Variants in GSG1L observed in about 807,000 individuals in gnomAD.
GSG1L encodes germ cell-specific gene 1-like protein.
Under a neutral mutation model 42.1 loss-of-function variants are expected in GSG1L, and 24 were observed. The observed-to-expected ratio is 0.57, with a 90% CI of 0.41 to 0.80. The LOEUF (loss-of-function observed/expected upper bound fraction) is 0.80. Ranked by LOEUF, GSG1L falls within the 30% of genes least tolerant of loss-of-function variation. The probability of loss-of-function intolerance (pLI) is 0.00; values close to 1 mark genes in which losing one functional copy is unlikely to be tolerated. For missense variants in GSG1L, 445 were observed against 472.2 expected, an observed-to-expected ratio of 0.94 and a Z score of 0.53; for synonymous variants, 215 against 203.5, an observed-to-expected ratio of 1.06 and a Z score of -0.48.
intron 3 of GSG1L, among the ~76,000 whole-genome samples, chr16:27,855,441 C>T (rs768321300): frequency 5.9e-5 from 9 of 152,070 alleles, no homozygotes; most frequent in East Asian, 1.9e-4. Flanking sequence ...CCAACGGGGC[C>T]GGAAGCAGTG....
chr16:27,993,104 G>A (rs904143711), intron 1 of GSG1L, among the ~76,000 whole-genome samples: 12 of 152,176 alleles, frequency 7.9e-5, no homozygotes, highest in African/African-American at 2.9e-4. Flanking sequence ...TAGTACCTGA[G>A]TCAGGATTCC....
At chr16:27,831,562 A>G (rs1417722962) in intron 4 of GSG1L, among the ~76,000 whole-genome samples, 1 of 152,190 alleles carries the variant, frequency 6.6e-6, no homozygotes, top group East Asian at 1.9e-4. Flanking sequence ...TAAAGGCCTG[A>G]GCAAAGAAAA....
In GSG1L at chr16:27,791,245, C is replaced by T. The variant is rs2082747818; in HGVS notation, c.*125G>A. 3 of 546,794 alleles carry T rather than the reference C, an allele frequency of 5.5e-6. No individual in the cohort carries two copies. The highest frequency in any genetic ancestry group is 8.9e-6 in the Non-Finnish European group (3 of 336,406). The allele number at this position is 546,794 out of a possible 1,614,324, so 33.9% of individuals were successfully genotyped here. On this transcript the variant is annotated 3_prime_UTR_variant, in exon 7 of 7. Transcript: ENST00000447459. Reference sequence around the variant, plus strand: ...GATGGGCAGGACAGGCCTGGCATCTCCCACGCAGGCTGACTGAGTTCACGG... The same window carrying T: ...GATGGGCAGGACAGGCCTGGCATCTTCCACGCAGGCTGACTGAGTTCACGG...
chr16:27,980,912 AAAAAAGAAAGAAAG>A (rs2085319083), intron 1 of GSG1L, among the ~76,000 whole-genome samples: 1 of 151,532 alleles, frequency 6.6e-6, no homozygotes, highest in Non-Finnish European at 1.5e-5. Flanking sequence ...AAAAAAAAAA[AAAAAAGAAAGAAAG>A]AAAAAAAGAA....
At chr16:28,015,347 T>A (rs909512635) in intron 1 of GSG1L, among the ~76,000 whole-genome samples, 46 of 152,244 alleles carry the variant, frequency 3.0e-4, no homozygotes, top group Non-Finnish European at 5.9e-5. Flanking sequence ...TACAAAAAAA[T>A]TTTTTTAATT....
In GSG1L at chr16:28,063,431, C is replaced by G; in HGVS notation, c.-7G>C. The G allele has an allele frequency of 8.0e-7, 1 of 1,256,776 alleles. No homozygotes were observed. The allele number at this position is 1,256,776 out of a possible 1,614,324, so 77.9% of individuals were successfully genotyped here. A position where few individuals can be genotyped will look rare whatever the true frequency, so the allele number is the denominator to read the frequency against. The stretch of plus-strand genomic sequence containing the variant: ...CGCGGCGGCTAGTCTTCATGCCGCC[C>G]GCGCCGCCGGGACGGGACTGCACCG... On this transcript the variant is annotated 5_prime_UTR_variant, in exon 1 of 7. Coordinates refer to ENST00000447459, the MANE Select transcript of GSG1L (RefSeq NM_001109763.2). The surrounding 1 kb of genome is among the most constrained non-coding windows in gnomAD (Gnocchi z 5.8).
At chr16:27,890,774 G>T (rs1411992880) in intron 2 of GSG1L, among the ~76,000 whole-genome samples, 1 of 152,238 alleles carries the variant, frequency 6.6e-6, no homozygotes, top group East Asian at 1.9e-4. Flanking sequence ...CAGGTGGGGG[G>T]CACTGGCAAG....
chr16:27,984,276 C>G (rs977724504), intron 1 of GSG1L, among the ~76,000 whole-genome samples: 17 of 152,136 alleles, frequency 1.1e-4, no homozygotes, highest in Admixed American at 5.9e-4. Context: ...CATAGGCCTG[C>G]TCACTGCAGA....
intron 3 of GSG1L, among the ~76,000 whole-genome samples, chr16:27,853,424 A>G (rs1374162780): frequency 6.6e-6 from 1 of 151,948 alleles, no homozygotes; most frequent in African/African-American, 2.4e-5. Flanking sequence ...CTTACACATA[A>G]CCTAAATCTT....
intron 1 of GSG1L, among the ~76,000 whole-genome samples, chr16:27,972,494 A>C (rs374096530): frequency 6.6e-5 from 10 of 152,360 alleles, no homozygotes; most frequent in African/African-American, 2.4e-4. Flanking sequence ...TATCAAAATC[A>C]ATGGCAATTA....
Position 27,830,379 on chromosome 16 carries a change from A to G in GSG1L, c.663-1423T>C, listed in dbSNP as rs956898966. Among the ~76,000 whole-genome samples, 9 of 152,068 alleles carry G rather than the reference A, an allele frequency of 5.9e-5. No individual in the cohort carries two copies. In the South Asian group the frequency reaches 1.0e-3, roughly 18 times the overall value. ...ACCACCCCTGCATTCCCCATGGTCA[A>G]TGAAGCCCACTGCCTGCACCCACTG... On this transcript the variant is annotated intron_variant, in intron 4 of 6. Coordinates refer to ENST00000447459, the MANE Select transcript of GSG1L (RefSeq NM_001109763.2).
At chr16:28,014,604 A>C (rs2085759233) in intron 1 of GSG1L, among the ~76,000 whole-genome samples, 2 of 150,940 alleles carry the variant, frequency 1.3e-5, no homozygotes, top group Admixed American at 6.6e-5. Flanking sequence ...CCTGGGATCC[A>C]ACAATCCTCT....
chr16:28,058,259 G>A (rs945568233), intron 1 of GSG1L, among the ~76,000 whole-genome samples: 2 of 152,162 alleles, frequency 1.3e-5, no homozygotes, highest in African/African-American at 4.8e-5. Context: ...ACCTCTCTGT[G>A]CCTCTGTTTA....
intron 2 of GSG1L, among the ~76,000 whole-genome samples, chr16:27,930,856 T>C (rs7205172): frequency 0.71 from 108,441 of 152,058 alleles, 38,671 homozygotes; most frequent in Admixed American, 0.77. Flanking sequence ...TCCCTAGTAG[T>C]GGAGACTACA....
chr16:27,788,503 T>G lies in GSG1L; in HGVS notation c.*2867A>C, dbSNP rs113117724. 6.6e-6 allele frequency: 1 copy of G among 152,430 alleles called. No homozygotes were observed. Among genetic ancestry groups the G allele is most frequent in the Non-Finnish European group, 1.5e-5 (1 of 68,224 alleles). 9.4% of individuals were successfully genotyped at this position (152,430 alleles called of 1,614,324 possible). On this transcript the variant is annotated 3_prime_UTR_variant, in exon 7 of 7. Transcript: ENST00000447459. Reference sequence around the variant, plus strand: ...CTGGCCTGGCTCCACTGCCCTCTGATGCCTAATTTCCCACAACTGCCTCCT... The same window carrying G: ...CTGGCCTGGCTCCACTGCCCTCTGAGGCCTAATTTCCCACAACTGCCTCCT...
chr16:27,992,023 G>A (rs1219078618), intron 1 of GSG1L, among the ~76,000 whole-genome samples: 2 of 152,190 alleles, frequency 1.3e-5, no homozygotes, highest in Non-Finnish European at 2.9e-5. Context: ...ACGCCATCTG[G>A]AAGTGAAACC....
chr16:27,908,109 C>T (rs940177320), intron 2 of GSG1L, among the ~76,000 whole-genome samples: 7 of 152,220 alleles, frequency 4.6e-5, no homozygotes, highest in South Asian at 4.1e-4. Flanking sequence ...GGGATGTTAG[C>T]GGATGAGACA....
intron 2 of GSG1L, among the ~76,000 whole-genome samples, chr16:27,886,775 C>T (rs1395376341): frequency 6.6e-6 from 1 of 152,112 alleles, no homozygotes; most frequent in Admixed American, 6.5e-5. Flanking sequence ...TTCCAGGTCA[C>T]ACTAGTCATG....
At chr16:27,902,434 A>G (rs1210230469) in intron 2 of GSG1L, among the ~76,000 whole-genome samples, 1 of 152,050 alleles carries the variant, frequency 6.6e-6, no homozygotes, top group Non-Finnish European at 1.5e-5. Context: ...TTCCGCAGAG[A>G]GGCCGATGCC....
Sources: gnomAD v4.1 joint callset for allele counts (sites outside exome capture counted in the v4.1 genomes callset) on GRCh38, gnomAD v4.1.1 for gene constraint, Gnocchi (gnomAD v3.1) non-coding constraint, MANE v1.5 for transcripts, NCBI Gene and HGNC (gene_info 2026-07-23, HGNC 2026-07-21) for gene names.